Variants in LDHAL6A observed in about 807,000 individuals in gnomAD.
LDHAL6A encodes the protein lactate dehydrogenase A like 6A.
In LDHAL6A, 19 loss-of-function variants were observed where a neutral mutation model predicts 28.2. That is an observed-to-expected ratio of 0.67 (90% CI 0.47 to 0.99). The LOEUF (loss-of-function observed/expected upper bound fraction) is 0.99. LDHAL6A is among the 50% of genes least tolerant of loss of function. The pLI is 0.00. For synonymous variants in LDHAL6A, 144 were observed against 134.4 expected, an observed-to-expected ratio of 1.07 and a Z score of -0.49; for missense variants, 372 against 398.6, an observed-to-expected ratio of 0.93 and a Z score of 0.57.
chr11:18,476,323 C>A (rs1249960498), intron 4 of LDHAL6A, 61 bp from the exon 5 acceptor site: 2 of 1,550,832 alleles, frequency 1.3e-6, no homozygotes, highest in African/African-American at 1.4e-5. Context: ...TTGCTGAGGT[C>A]AAAAACCAAA....
chr11:18,477,777 A>T, intron 6 of LDHAL6A, 34 bp downstream of exon 6: 1 of 1,566,596 alleles, frequency 6.4e-7, no homozygotes, highest in Non-Finnish European at 8.6e-7. Context: ...TCATTAACTC[A>T]ACATAAAATA....
chr11:18,464,977 G>GTTTGTTTGTTTT (rs1849013732), intron 2 of LDHAL6A, among the ~76,000 whole-genome samples: 1 of 125,490 alleles, frequency 8.0e-6, no homozygotes, highest in African/African-American at 3.4e-5. Context: ...TGTTTTTTTT[G>GTTTGTTTGTTTT]TTTTTTTTTG....
Position 18,461,134 on chromosome 11 carries a change from G to A in LDHAL6A, c.127-2827G>A, listed in dbSNP as rs548145344. 6.6e-4 allele frequency among the ~76,000 whole-genome samples: 91 copies of A among 137,228 alleles called. No individual in the cohort carries two copies. The Middle Eastern group carries it at 0.015, about 23-fold the overall frequency. The allele number at this position is 137,228 out of a possible 152,430, so 90.0% of individuals were successfully genotyped here. ...ATTACATGCGTGAGCCACCGCGCCC[G>A]GCCTTGGTCATTTACTTGTTTTTTT... is the stretch of plus-strand genomic sequence containing the variant. On this transcript the variant is annotated intron_variant, in intron 1 of 6. Transcript: ENST00000280706.
chr11:18,465,830 A>G lies in LDHAL6A; in HGVS notation c.418+20A>G, dbSNP rs896358796. On this transcript the variant is annotated intron_variant, in intron 3 of 6. Transcript: ENST00000280706. ...ATCCAGGTCAGCTTTGTTGTTTTAA[A>G]TTTTCAACTTTTAGATTCGGGGGTA... The G allele has an allele frequency of 1.9e-6, 3 of 1,598,956 alleles. No individual in the cohort carries two copies. The highest frequency in any genetic ancestry group is 3.4e-5 in the Admixed American group (2 of 59,044).
intron 3 of LDHAL6A, chr11:18,468,255 A>C (rs982812986): frequency 6.6e-6 from 1 of 150,454 alleles, no homozygotes; most frequent in Non-Finnish European, 1.5e-5. Flanking sequence ...GGCTTGTAAC[A>C]GTTTGACTAT....
At chr11:18,463,925 T>G (rs919296623) in intron 1 of LDHAL6A, 36 bp from the exon 2 acceptor site, 5 of 1,311,084 alleles carry the variant, frequency 3.8e-6, no homozygotes, top group Non-Finnish European at 4.4e-6. Context: ...AATCAAGAGA[T>G]ACACTCACAC....
chr11:18,457,611 C>T (rs1040894563), intron 1 of LDHAL6A, among the ~76,000 whole-genome samples: 2 of 152,144 alleles, frequency 1.3e-5, no homozygotes, highest in Non-Finnish European at 2.9e-5. Context: ...TACAAATTCC[C>T]CATGATTCAT....
In LDHAL6A at chr11:18,465,908, A is replaced by G. The variant is rs572580438; in HGVS notation, c.418+98A>G. On this transcript the variant is annotated intron_variant, in intron 3 of 6. Coordinates refer to ENST00000280706, the MANE Select transcript of LDHAL6A (RefSeq NM_144972.5). Reference sequence around the variant, plus strand: ...ACTGTGTGATGCTGAGGTTTGGGGTAGGATTGATCCTGCCACCCAGGTACT... The same window carrying G: ...ACTGTGTGATGCTGAGGTTTGGGGTGGGATTGATCCTGCCACCCAGGTACT... 4.0e-6 allele frequency: 4 copies of G among 996,886 alleles called. No individual in the cohort carries two copies. In the African/African-American group the frequency reaches 6.5e-5, roughly 16 times the overall value. The allele number at this position is 996,886 out of a possible 1,614,324, so 61.8% of individuals were successfully genotyped here. A position where few individuals can be genotyped will look rare whatever the true frequency, so the allele number is the denominator to read the frequency against.
At chr11:18,465,059 G>A (rs1849029200) in intron 2 of LDHAL6A, among the ~76,000 whole-genome samples, 1 of 149,548 alleles carries the variant, frequency 6.7e-6, no homozygotes, top group South Asian at 2.1e-4. Context: ...TGGACTTCTG[G>A]GCTCGTGTGT....
chr11:18,462,586 G>A (rs771526930), intron 1 of LDHAL6A, among the ~76,000 whole-genome samples: 2 of 148,690 alleles, frequency 1.3e-5, no homozygotes, highest in East Asian at 1.9e-4. Context: ...GCAGTGAGCC[G>A]AGATCACGCC....
intron 1 of LDHAL6A, among the ~76,000 whole-genome samples, chr11:18,457,767 C>G (rs982763515): frequency 2.6e-5 from 4 of 152,134 alleles, no homozygotes; most frequent in African/African-American, 9.7e-5. Flanking sequence ...AAACTCCTGG[C>G]CTCAAGCAGG....
At chr11:18,459,414 C>T (rs960894714) in intron 1 of LDHAL6A, among the ~76,000 whole-genome samples, 1 of 152,190 alleles carries the variant, frequency 6.6e-6, no homozygotes, top group African/African-American at 2.4e-5. Context: ...CCTTTGGCTA[C>T]AGACTGAAGG....
intron 1 of LDHAL6A, among the ~76,000 whole-genome samples, chr11:18,463,140 T>C (rs1445947434): frequency 1.3e-5 from 2 of 152,204 alleles, no homozygotes; most frequent in African/African-American, 2.4e-5. Context: ...GTTTGTCCCC[T>C]CTGGAACTCG....
At chr11:18,466,886 TGATA>T (rs1362471177) in intron 3 of LDHAL6A, among the ~76,000 whole-genome samples, 29 of 152,226 alleles carry the variant, frequency 1.9e-4, no homozygotes, top group African/African-American at 7.0e-4. Context: ...GCAGGACTGC[TGATA>T]GATTATGTCT....
At chr11:18,463,903 C>T (rs1319371472) in intron 1 of LDHAL6A, 58 bp from the exon 2 acceptor site, 1 of 1,084,588 alleles carries the variant, frequency 9.2e-7, no homozygotes, top group Non-Finnish European at 1.4e-6. Flanking sequence ...AATTTTCTTT[C>T]ATTCTCCAGT....
intron 1 of LDHAL6A, among the ~76,000 whole-genome samples, chr11:18,461,835 G>A (rs1469025418): frequency 2.8e-5 from 4 of 145,122 alleles, no homozygotes; most frequent in East Asian, 2.0e-4. Context: ...CCTGGGCAAC[G>A]AGCAAGATTC....
At position 18,474,850 on chromosome 11, in the gene LDHAL6A, T is replaced by C. The variant is rs2658559; in HGVS notation, c.419-616T>C. 2.7e-3 allele frequency among the ~76,000 whole-genome samples: 409 copies of C among 152,334 alleles called. 3 individuals are homozygous for C. Among genetic ancestry groups the C allele is most frequent in the African/African-American group, 9.1e-3 (378 of 41,586 alleles). On this transcript the variant is annotated intron_variant, in intron 3 of 6. Transcript: ENST00000280706. ...TGTCTCTATTAAAAAAATAATTTTT[T>C]CCTACTATTCAATGCTCTTTGCTTC...
intron 1 of LDHAL6A, among the ~76,000 whole-genome samples, chr11:18,458,233 T>A (rs894735597): frequency 1.3e-5 from 2 of 152,100 alleles, no homozygotes; most frequent in Non-Finnish European, 2.9e-5. Context: ...CCTAGATAGA[T>A]CTCAGGTGGA....
At chr11:18,460,223 T>G (rs1848862722) in intron 1 of LDHAL6A, among the ~76,000 whole-genome samples, 1 of 152,066 alleles carries the variant, frequency 6.6e-6, no homozygotes, top group Non-Finnish European at 1.5e-5. Flanking sequence ...CACTTGAGCC[T>G]AGGAGTTTGA....
Sources: allele counts gnomAD v4.1 joint callset (sites outside exome capture counted in the v4.1 genomes callset), GRCh38; gene constraint gnomAD v4.1.1; transcripts MANE v1.5; gene names NCBI Gene and HGNC (gene_info 2026-07-23, HGNC 2026-07-21).